The following RBM18 variants were observed in gnomAD, a reference collection of about 807,000 sequenced individuals.
RBM18 encodes probable RNA-binding protein 18.
A neutral mutation model predicts 26.4 loss-of-function variants in RBM18; 18 were observed. That is an observed-to-expected ratio of 0.68 (90% CI 0.47 to 1.01). The LOEUF (loss-of-function observed/expected upper bound fraction) is 1.01. RBM18 is among the 50% of genes least tolerant of loss of function. The probability of loss-of-function intolerance (pLI) is 0.00; values close to 1 mark genes in which losing one functional copy is unlikely to be tolerated. For missense variants in RBM18, 180 were observed against 219.2 expected (o/e 0.82, Z 1.13); for synonymous variants, 74 against 81.1 (o/e 0.91, Z 0.47).
At chr9:122,262,588 T>C (rs140723045) in intron 1 of RBM18, among the ~76,000 whole-genome samples, 1 of 72,284 alleles carries the variant, frequency 1.4e-5, no homozygotes, top group Non-Finnish European at 4.3e-5. Context: ...TTCTTTCTCT[T>C]TTTTTTTGTT....
chr9:122,254,100 C>T (rs1468823455), intron 2 of RBM18, among the ~76,000 whole-genome samples: 3 of 151,130 alleles, frequency 2.0e-5, no homozygotes, highest in Non-Finnish European at 4.4e-5. Flanking sequence ...TCTAAGGCTA[C>T]TGTGGGCTGG....
In RBM18 at chr9:122,244,096, C is replaced by A. The variant is rs186308784; in HGVS notation, c.413+1160G>T. On this transcript the variant is annotated intron_variant, in intron 5 of 5. Transcript: ENST00000417201. ...AGGAAAATAACACAGTGGATATATG[C>A]TCCCAGTGACTCTACAGAAGTCCCT... 4.7e-4 allele frequency among the ~76,000 whole-genome samples: 71 copies of A among 152,020 alleles called. 1 individual carries two copies. In the Middle Eastern group the frequency reaches 0.01, roughly 22 times the overall value.
At chr9:122,243,909 A>T in intron 5 of RBM18, 1 of 979,072 alleles carries the variant, frequency 1.0e-6, no homozygotes, top group Non-Finnish European at 1.2e-6. Flanking sequence ...GCTATCTTGT[A>T]AACAAGTGGC....
At position 122,239,996 on chromosome 9, in the gene RBM18, T is replaced by C. The variant is rs10818655; in HGVS notation, c.*1888A>G. ...ATGCCAGTAAGTGAACGAGAGAAGATATAACCACACGGACACCGTCTTACA... is the reference window on the plus strand; with the variant it reads ...ATGCCAGTAAGTGAACGAGAGAAGACATAACCACACGGACACCGTCTTACA... On this transcript the variant is annotated 3_prime_UTR_variant, in exon 6 of 6. Coordinates refer to ENST00000417201, the MANE Select transcript of RBM18 (RefSeq NM_033117.4). 62,877 of 152,162 alleles carry C rather than the reference T, an allele frequency of 0.41. 13,222 individuals carry two copies. Among genetic ancestry groups the C allele is most frequent in the Middle Eastern group, 0.49 (143 of 294 alleles). 9.4% of individuals were successfully genotyped at this position (152,162 alleles called of 1,614,324 possible). A position where few individuals can be genotyped will look rare whatever the true frequency, so the allele number is the denominator to read the frequency against.
chr9:122,239,827 G>A lies in RBM18; in HGVS notation c.*2057C>T, dbSNP rs183597789. 323 of 152,342 alleles carry A rather than the reference G, an allele frequency of 2.1e-3. 2 individuals are homozygous for A. The highest frequency in any genetic ancestry group is 7.6e-3 in the African/African-American group (315 of 41,570). The allele number at this position is 152,342 out of a possible 1,614,324, so 9.4% of individuals were successfully genotyped here. ...TCATCTCTAACAACAGAGGTAGGCA[G>A]GCATAAAGGGTAAAGAGAGTTGCCT... On this transcript the variant is annotated 3_prime_UTR_variant, in exon 6 of 6. Transcript: ENST00000417201.
chr9:122,247,785 GTT>G (rs34974193), intron 3 of RBM18, among the ~76,000 whole-genome samples, 181 bp from the exon 4 acceptor site: 1 of 132,770 alleles, frequency 7.5e-6, no homozygotes. Context: ...TTTTTTTGTT[GTT>G]TTTTTTTTTT....
At position 122,256,952 on chromosome 9, in the gene RBM18, A is replaced by G. The variant is rs368666473; in HGVS notation, c.113+4428T>C. Among the ~76,000 whole-genome samples the G allele has an allele frequency of 1.1e-3, 167 of 152,366 alleles. 5 individuals are homozygous for G. The South Asian group carries it at 0.033, about 30-fold the overall frequency. ...GGAATCAGAATATAGTGGAAAGAAC[A>G]TAAGTTTGGAATCTGCTAATTCCAT... On this transcript the variant is annotated intron_variant, in intron 2 of 5. Coordinates refer to ENST00000417201, the MANE Select transcript of RBM18 (RefSeq NM_033117.4).
In RBM18 at chr9:122,247,526, G is replaced by C. The variant is rs746545524; in HGVS notation, c.319C>G (p.Gln107Glu). ...TAGCCTCTCAGACGTACCTTTACTTGAGCATGTGCCCATCGCACCACCAGC... is the reference window on the plus strand; with the variant it reads ...TAGCCTCTCAGACGTACCTTTACTTCAGCATGTGCCCATCGCACCACCAGC... ...KKLVVRWAHAQVKRYDHNKND... is the reference protein window; with the variant it reads ...KKLVVRWAHAEVKRYDHNKND... Residue 107 changes from glutamine to glutamate, a missense_variant, in exon 4 of 6, where the codon CAA becomes GAA. Transcript: ENST00000417201. 6.2e-7 allele frequency: 1 copy of C among 1,613,564 alleles called. No homozygotes were observed. Among genetic ancestry groups the C allele is most frequent in the African/African-American group, 1.3e-5 (1 of 74,890 alleles).
intron 5 of RBM18, among the ~76,000 whole-genome samples, chr9:122,243,131 T>C (rs746858392): frequency 3.9e-5 from 6 of 151,998 alleles, no homozygotes; most frequent in Non-Finnish European, 7.4e-5. Flanking sequence ...CCCAGCCCCA[T>C]CTGATTTTTT....
intron 3 of RBM18, among the ~76,000 whole-genome samples, 181 bp from the exon 4 acceptor site, chr9:122,247,785 G>GTTTTTTTTTTTTT (rs34974193): frequency 7.5e-6 from 1 of 132,788 alleles, no homozygotes; most frequent in Non-Finnish European, 1.6e-5. Context: ...TTTTTTTGTT[G>GTTTTTTTTTTTTT]TTTTTTTTTT....
intron 4 of RBM18, among the ~76,000 whole-genome samples, chr9:122,246,807 T>G (rs926506654): frequency 6.6e-6 from 1 of 152,006 alleles, no homozygotes. Flanking sequence ...TGCAGGCAGG[T>G]TTTTCAAGTC....
Position 122,241,839 on chromosome 9 carries a change from G to T in RBM18, c.*45C>A, listed in dbSNP as rs1402178688. The T allele has an allele frequency of 1.9e-6, 3 of 1,576,494 alleles. No individual in the cohort carries two copies. The highest frequency in any genetic ancestry group is 2.6e-6 in the Non-Finnish European group (3 of 1,150,450). On this transcript the variant is annotated 3_prime_UTR_variant, in exon 6 of 6. Coordinates refer to ENST00000417201, the MANE Select transcript of RBM18 (RefSeq NM_033117.4). Reference sequence around the variant, plus strand: ...AAAGTACACAGGCAGACGATTTTAGGTGTGGAGACCAATTTGCTTTTGCTG... The same window carrying T: ...AAAGTACACAGGCAGACGATTTTAGTTGTGGAGACCAATTTGCTTTTGCTG...
At chr9:122,249,583 C>T (rs921869281) in intron 3 of RBM18, among the ~76,000 whole-genome samples, 2 of 151,532 alleles carry the variant, frequency 1.3e-5, no homozygotes, top group Admixed American at 6.6e-5. Flanking sequence ...GTGGTGTGTG[C>T]CTGTGGTCCC....
At position 122,241,224 on chromosome 9, in the gene RBM18, A is replaced by C. The variant is rs1313753917; in HGVS notation, c.*660T>G. The stretch of plus-strand genomic sequence containing the variant: ...ACTTGTGTTGTGGTATAAAATGTTA[A>C]ATTTGATTCTAGTTTTGTCAACACA... On this transcript the variant is annotated 3_prime_UTR_variant, in exon 6 of 6. Coordinates refer to ENST00000417201, the MANE Select transcript of RBM18 (RefSeq NM_033117.4). The C allele has an allele frequency of 6.6e-6, 1 of 152,246 alleles. No homozygotes were observed. The highest frequency in any genetic ancestry group is 1.5e-5 in the Non-Finnish European group (1 of 68,044). 9.4% of individuals were successfully genotyped at this position (152,246 alleles called of 1,614,324 possible).
intron 2 of RBM18, 64 bp downstream of exon 2, chr9:122,261,316 T>C (rs1211491643): frequency 1.7e-6 from 2 of 1,156,958 alleles, no homozygotes; most frequent in African/African-American, 1.5e-5. Context: ...AAAATTCTTC[T>C]TGACATCATC....
intron 3 of RBM18, among the ~76,000 whole-genome samples, chr9:122,247,936 C>A (rs941526238): frequency 6.6e-6 from 1 of 152,040 alleles, no homozygotes; most frequent in East Asian, 1.9e-4. Flanking sequence ...AGGCATGAAC[C>A]ACCACGCCTG....
intron 2 of RBM18, among the ~76,000 whole-genome samples, chr9:122,255,891 C>T (rs147761267): frequency 8.6e-5 from 13 of 151,922 alleles, no homozygotes; most frequent in South Asian, 2.1e-4. Flanking sequence ...CCCAGCTACT[C>T]GGGAGGCTGA....
At chr9:122,264,310 A>T (rs939920410) in intron 1 of RBM18, among the ~76,000 whole-genome samples, 6 of 152,254 alleles carry the variant, frequency 3.9e-5, no homozygotes, top group Admixed American at 2.0e-4. Context: ...GTAAAGGGTA[A>T]TAAAAGATCA....
intron 5 of RBM18, 60 bp downstream of exon 5, chr9:122,245,196 G>C: frequency 2.1e-6 from 2 of 958,012 alleles, no homozygotes; most frequent in South Asian, 2.7e-5. Context: ...CGAAGACATG[G>C]AATAATGAAA....
Sources: gnomAD v4.1 joint callset for allele counts (sites outside exome capture counted in the v4.1 genomes callset) on GRCh38, gnomAD v4.1.1 for gene constraint, MANE v1.5 for transcripts, NCBI Gene and HGNC (gene_info 2026-07-23, HGNC 2026-07-21) for gene names.